The following DNAH12 variants were observed in gnomAD, a reference collection of about 807,000 sequenced individuals.
DNAH12 encodes dynein axonemal heavy chain 12, also known as axonemal beta dynein heavy chain 12.
A neutral mutation model predicts 371.5 loss-of-function variants in DNAH12; 285 were observed. The observed-to-expected ratio is 0.77, with a 90% CI of 0.70 to 0.85. The LOEUF (loss-of-function observed/expected upper bound fraction) is 0.85. DNAH12 is among the 40% of genes least tolerant of loss of function. DNAH12 has a pLI of 0.00. For missense variants in DNAH12, 3,611 were observed against 3,689.4 expected, an observed-to-expected ratio of 0.98 and a Z score of 0.55; for synonymous variants, 1,200 against 1,213.0, an observed-to-expected ratio of 0.99 and a Z score of 0.22.
chr3:57,346,529 GA>G (rs1553658099), intron 60 of DNAH12, among the ~76,000 whole-genome samples: 1 of 134,352 alleles, frequency 7.4e-6, no homozygotes, highest in African/African-American at 3.1e-5. Context: ...AATAGAAGAG[GA>G]AAACAGTAAC....
At position 57,507,643 on chromosome 3, in the gene DNAH12, C is replaced by G; in HGVS notation, c.897G>C (p.Gln299His). ...YSCVSTLMSN[Q>H]LKDLLRRTVE... ...TTTAATATATATAAAGTGTATGTACCTGATTTGACATAAGTGTGGAAACAC... is the reference window on the plus strand; with the variant it reads ...TTTAATATATATAAAGTGTATGTACGTGATTTGACATAAGTGTGGAAACAC... The change falls in exon 8 of 74, where the codon CAG (glutamine) becomes CAC (histidine). Residue 299 changes from glutamine (Q) to histidine (H), a missense_variant and splice_region_variant. By Grantham distance (24) the Gln-to-His change is conservative (BLOSUM62 0). Transcript: ENST00000495027. 6.3e-7 allele frequency: 1 copy of G among 1,590,048 alleles called. No homozygotes were observed. Among genetic ancestry groups the G allele is most frequent in the Non-Finnish European group, 8.5e-7 (1 of 1,174,896 alleles).
intron 2 of DNAH12, among the ~76,000 whole-genome samples, chr3:57,532,975 G>A (rs1345298970): frequency 6.6e-6 from 1 of 152,194 alleles, no homozygotes; most frequent in Non-Finnish European, 1.5e-5. Context: ...GGGAGCTAGG[G>A]ACTGGAGTCA....
chr3:57,464,215 A>G (rs1279918083), intron 17 of DNAH12, among the ~76,000 whole-genome samples: 1 of 152,052 alleles, frequency 6.6e-6, no homozygotes, highest in Non-Finnish European at 1.5e-5. Flanking sequence ...ACAAGCAGAG[A>G]CAAAGGGAGG....
chr3:57,550,068 G>A, the DNAH12 span, among the ~76,000 whole-genome samples: 1 of 152,010 alleles, frequency 6.6e-6, no homozygotes, highest in Non-Finnish European at 1.5e-5. Flanking sequence ...CAACACTCTG[G>A]GAGGCCAAGG....
chr3:57,364,833 A>G (rs1055662813), intron 57 of DNAH12, among the ~76,000 whole-genome samples: 27 of 152,360 alleles, frequency 1.8e-4, no homozygotes, highest in African/African-American at 6.5e-4. Flanking sequence ...TCAAAAGAAG[A>G]TATTTATGTG....
intron 11 of DNAH12, among the ~76,000 whole-genome samples, chr3:57,494,373 T>C (rs2067236252): frequency 6.6e-6 from 1 of 152,038 alleles, no homozygotes; most frequent in African/African-American, 2.4e-5. Context: ...GGCAACATAG[T>C]GAGACCTTGT....
chr3:57,355,512 T>C (rs2062778115), intron 59 of DNAH12, among the ~76,000 whole-genome samples: 1 of 152,176 alleles, frequency 6.6e-6, no homozygotes, highest in South Asian at 2.1e-4. Flanking sequence ...TTTAAGTTTT[T>C]GTGTGAACAT....
chr3:57,319,633 GC>G (rs1467071877), intron 65 of DNAH12, among the ~76,000 whole-genome samples: 1 of 152,096 alleles, frequency 6.6e-6, no homozygotes, highest in African/African-American at 2.4e-5. Context: ...AGGCTGGAGT[GC>G]AGTGGCACGA....
chr3:57,379,467 GTATGTCA>G lies in DNAH12; in HGVS notation c.8083-176_8083-170del, dbSNP rs1429717945. Among the ~76,000 whole-genome samples the G allele has an allele frequency of 2.3e-3, 354 of 152,260 alleles. 2 individuals carry two copies. Among genetic ancestry groups the G allele is most frequent in the Non-Finnish European group, 4.0e-3 (270 of 68,010 alleles). ...AAAAATAAGCATAATTGTAGCAGAAGTATGTCATATTTGTGAGCAAAATATGCAAATG... is the reference window on the plus strand; with the variant it reads ...AAAAATAAGCATAATTGTAGCAGAAGTATTTGTGAGCAAAATATGCAAATG... On this transcript the variant is annotated intron_variant, in intron 51 of 73. Coordinates refer to ENST00000495027, the MANE Select transcript of DNAH12 (RefSeq NM_001366028.2).
Position 57,523,843 on chromosome 3 carries a change from T to A in DNAH12, c.212A>T (p.Lys71Ile). Residue 71 changes from lysine to isoleucine, a missense_variant, in exon 3 of 74, where the codon AAA becomes ATA. Lys to Ile is a moderately radical substitution (Grantham distance 102). Transcript: ENST00000495027. ...AKRNLDRTLG[K>I]RTPLLPPPDY... Reference sequence around the variant, plus strand: ...AGGTGGTGGTAATAGAGGTGTTCTTTTACCCAGTGTTCTGTCTAAATTTCT... The same window carrying A: ...AGGTGGTGGTAATAGAGGTGTTCTTATACCCAGTGTTCTGTCTAAATTTCT... 6.2e-7 allele frequency: 1 copy of A among 1,606,708 alleles called. No homozygotes were observed. Among genetic ancestry groups the A allele is most frequent in the Non-Finnish European group, 8.5e-7 (1 of 1,177,372 alleles).
In DNAH12 at chr3:57,429,701, G is replaced by A; in HGVS notation, c.5054C>T (p.Ser1685Phe). The change falls in exon 33 of 74, where the codon TCC becomes TTC. Residue 1685 changes from serine (S) to phenylalanine (F), a missense_variant. Around this residue, in one of 3 missense-constraint regions of DNAH12, gnomAD observed 2,266 missense variants for 2,236.9 expected, o/e 1.01. Transcript: ENST00000495027. Reference protein sequence around the residue: ...MSLIFETMDLSQASPATVSRC... With the variant: ...MSLIFETMDLFQASPATVSRC... ...AAATTATGAACTTACGGATGCCTGG[G>A]AAAGGTCCATTGTTTCAAAGATGAG... is the stretch of plus-strand genomic sequence containing the variant. 2 of 1,535,768 alleles carry A rather than the reference G, an allele frequency of 1.3e-6. No individual in the cohort carries two copies. The highest frequency in any genetic ancestry group is 1.7e-4 in the Middle Eastern group (1 of 5,966).
chr3:57,461,829 C>T, intron 18 of DNAH12, 140 bp from the exon 19 acceptor site: 7 of 694,156 alleles, frequency 1.0e-5, no homozygotes, highest in Non-Finnish European at 1.6e-5. Flanking sequence ...TACAGTATAA[C>T]TTTTTAAGTT....
At chr3:57,351,764 A>G (rs1052573933) in intron 60 of DNAH12, among the ~76,000 whole-genome samples, 1 of 152,144 alleles carries the variant, frequency 6.6e-6, no homozygotes, top group Non-Finnish European at 1.5e-5. Context: ...TTTTTGGGGT[A>G]GTAAGGAGGT....
intron 12 of DNAH12, among the ~76,000 whole-genome samples, chr3:57,484,928 A>G (rs575958375): frequency 1.3e-5 from 2 of 152,318 alleles, no homozygotes; most frequent in East Asian, 3.9e-4. Flanking sequence ...AAACCTATGA[A>G]AAAATGCTCA....
At chr3:57,368,848 G>A (rs2063106172) in intron 55 of DNAH12, among the ~76,000 whole-genome samples, 1 of 152,054 alleles carries the variant, frequency 6.6e-6, no homozygotes, top group African/African-American at 2.4e-5. Flanking sequence ...TCTTCCTCAT[G>A]GATGATGCTG....
At chr3:57,396,354 A>G (rs991647597) in intron 43 of DNAH12, among the ~76,000 whole-genome samples, 2 of 151,912 alleles carry the variant, frequency 1.3e-5, no homozygotes, top group African/African-American at 4.8e-5. Context: ...TTACAATACA[A>G]TATAAACAAA....
intron 62 of DNAH12, 94 bp from the exon 63 acceptor site, chr3:57,323,713 GCCT>G: frequency 7.7e-7 from 1 of 1,300,494 alleles, no homozygotes; most frequent in Non-Finnish European, 1.0e-6. Context: ...TACAATTTGA[GCCT>G]AATGGTCAAA....
chr3:57,296,022 A>T (rs2061226752), intron 72 of DNAH12, among the ~76,000 whole-genome samples: 1 of 152,244 alleles, frequency 6.6e-6, no homozygotes, highest in Admixed American at 6.5e-5. Flanking sequence ...GAACTTCATT[A>T]TAACTAACTG....
chr3:57,327,958 T>C (rs201569676), intron 62 of DNAH12, among the ~76,000 whole-genome samples: 47,760 of 150,840 alleles, frequency 0.32, 8,132 homozygotes, highest in African/African-American at 0.45. Context: ...CTAGAAAATC[T>C]AGAAGAAATG....
Sources: gnomAD v4.1 joint callset for allele counts (sites outside exome capture counted in the v4.1 genomes callset) on GRCh38, gnomAD v4.1.1 for gene constraint, gnomAD v4.1.1 regional missense constraint, MANE v1.5 for transcripts, NCBI Gene and HGNC (gene_info 2026-07-23, HGNC 2026-07-21) for gene names.